FZD3: variants seen among roughly 807,000 people sequenced by gnomAD.
FZD3 encodes the protein frizzled class receptor 3.
FZD3 carries 30 observed loss-of-function variants against 60.7 expected under a neutral mutation model. The ratio of observed to expected loss-of-function variants is 0.49; its 90% confidence interval spans 0.37 to 0.67. The LOEUF (loss-of-function observed/expected upper bound fraction) is 0.67, where lower values mean the gene tolerates loss of function less well. Among genes scored for constraint, FZD3 ranks in the 30% least tolerant of loss-of-function variants. The pLI, the probability that FZD3 is intolerant of heterozygous loss-of-function variation, is 0.00. For synonymous variants in FZD3, 246 were observed against 275.2 expected, an observed-to-expected ratio of 0.89 and a Z score of 1.05; for missense variants, 605 against 838.7, an observed-to-expected ratio of 0.72 and a Z score of 3.44.
Position 28,498,617 on chromosome 8 carries a change from C to T in FZD3, c.-390-1316C>T, listed in dbSNP as rs188473641. ...TTTTTTTGAGACAGTCTCACTCTGT[C>T]ACCCAGGCTGGATGCAGTAGTACAG... On this transcript the variant is annotated intron_variant, in intron 1 of 7. Coordinates refer to ENST00000240093, the MANE Select transcript of FZD3 (RefSeq NM_017412.4). Among the ~76,000 whole-genome samples, 181 of 152,260 alleles carry T rather than the reference C, an allele frequency of 1.2e-3. 1 individual carries two copies. Among genetic ancestry groups the T allele is most frequent in the Admixed American group, 3.3e-3 (50 of 15,294 alleles).
chr8:28,527,053 A>G lies in FZD3; in HGVS notation c.387-94A>G. On this transcript the variant is annotated intron_variant, in intron 4 of 7. Transcript: ENST00000240093. This position sits in a 1 kb window ranked among gnomAD's most constrained non-coding sequence, Gnocchi z 5.0. ...TACATTTGCTCTCCAGGAATAAATA[A>G]GGTTGTGAGTGCCAGATTTGGAAAT... The G allele has an allele frequency of 1.0e-6, 1 of 977,836 alleles. No individual in the cohort carries two copies. Among genetic ancestry groups the G allele is most frequent in the Non-Finnish European group, 1.5e-6 (1 of 648,178 alleles). The allele number at this position is 977,836 out of a possible 1,614,324, so 60.6% of individuals were successfully genotyped here.
chr8:28,537,250 A>G (rs1198118888), intron 5 of FZD3, among the ~76,000 whole-genome samples: 1 of 152,234 alleles, frequency 6.6e-6, no homozygotes, highest in African/African-American at 2.4e-5. Context: ...CCTGGTTGTA[A>G]AATACTGTCA....
chr8:28,497,593 C>G (rs558101028), intron 1 of FZD3, among the ~76,000 whole-genome samples: 3 of 152,186 alleles, frequency 2.0e-5, no homozygotes, highest in Non-Finnish European at 4.4e-5. Context: ...TTTGAAACAA[C>G]CTTTAGATGA....
intron 5 of FZD3, among the ~76,000 whole-genome samples, chr8:28,548,277 T>C (rs1374785703): frequency 6.6e-6 from 1 of 152,120 alleles, no homozygotes; most frequent in Non-Finnish European, 1.5e-5. Context: ...TTAATTTTTT[T>C]CTTACATTTG....
intron 4 of FZD3, among the ~76,000 whole-genome samples, chr8:28,523,911 G>A (rs1804649929): frequency 6.6e-6 from 1 of 152,070 alleles, no homozygotes; most frequent in East Asian, 1.9e-4. Context: ...TAGTTATTGC[G>A]GGATTGGGTT....
intron 4 of FZD3, among the ~76,000 whole-genome samples, chr8:28,525,882 T>C (rs1804702322): frequency 7.1e-6 from 1 of 141,396 alleles, no homozygotes; most frequent in African/African-American, 2.7e-5. Context: ...TATTACAAAG[T>C]AGAATCACAG....
At chr8:28,557,228 A>T (rs1053935131) in intron 7 of FZD3, among the ~76,000 whole-genome samples, 33 of 150,598 alleles carry the variant, frequency 2.2e-4, no homozygotes, top group African/African-American at 7.3e-4. Context: ...AAAAAAAAAG[A>T]AGAAGAAATG....
intron 5 of FZD3, among the ~76,000 whole-genome samples, chr8:28,545,685 A>T (rs923456694): frequency 6.6e-6 from 1 of 152,230 alleles, no homozygotes; most frequent in Non-Finnish European, 1.5e-5. Context: ...AGCTGAGCCC[A>T]GTCAATTCAC....
intron 7 of FZD3, among the ~76,000 whole-genome samples, chr8:28,560,121 A>G (rs1391359256): frequency 6.6e-6 from 1 of 152,206 alleles, no homozygotes; most frequent in Non-Finnish European, 1.5e-5. Flanking sequence ...TAGTAAAACT[A>G]CAGTTAATTC....
In FZD3 at chr8:28,569,587, A is replaced by C. The variant is rs1805768241; in HGVS notation, c.*6576A>C. The C allele has an allele frequency of 6.6e-6, 1 of 152,110 alleles. No homozygotes were observed. The highest frequency in any genetic ancestry group is 2.4e-5 in the African/African-American group (1 of 41,414). 9.4% of individuals were successfully genotyped at this position (152,110 alleles called of 1,614,324 possible). A position where few individuals can be genotyped will look rare whatever the true frequency, so the allele number is the denominator to read the frequency against. On this transcript the variant is annotated 3_prime_UTR_variant, in exon 8 of 8. Transcript: ENST00000240093. ...AGATCAACTTGTATTATTTTACTAG[A>C]TCAACCTGTATTATTAACGTCATTT...
intron 3 of FZD3, among the ~76,000 whole-genome samples, chr8:28,510,701 T>A (rs1804262135): frequency 6.6e-6 from 1 of 152,132 alleles, no homozygotes; most frequent in Non-Finnish European, 1.5e-5. Context: ...TAGAATAGAA[T>A]TGGTTATAAG....
chr8:28,536,417 A>G (rs1182200383), intron 5 of FZD3, among the ~76,000 whole-genome samples: 1 of 152,214 alleles, frequency 6.6e-6, no homozygotes, highest in African/African-American at 2.4e-5. Flanking sequence ...TTTAAAAATT[A>G]TTTTTATAGT....
At chr8:28,550,964 A>G (rs1342560882) in intron 5 of FZD3, among the ~76,000 whole-genome samples, 2 of 152,036 alleles carry the variant, frequency 1.3e-5, no homozygotes, top group Non-Finnish European at 2.9e-5. Flanking sequence ...TTATTTTCAC[A>G]TTACTCTTTT....
Position 28,563,715 on chromosome 8 carries a change from T to C in FZD3, c.*704T>C, listed in dbSNP as rs749413767. 6.6e-6 allele frequency: 1 copy of C among 152,388 alleles called. No homozygotes were observed. Among genetic ancestry groups the C allele is most frequent in the Non-Finnish European group, 1.5e-5 (1 of 68,048 alleles). The allele number at this position is 152,388 out of a possible 1,614,324, so 9.4% of individuals were successfully genotyped here. On this transcript the variant is annotated 3_prime_UTR_variant, in exon 8 of 8. Coordinates refer to ENST00000240093, the MANE Select transcript of FZD3 (RefSeq NM_017412.4). ...GCTGTTTTTATAACTTTTGTAAATA[T>C]TACTTTTTCTGGCTGTGTTTTTATA...
At chr8:28,543,165 T>G (rs1028615456) in intron 5 of FZD3, among the ~76,000 whole-genome samples, 4 of 152,184 alleles carry the variant, frequency 2.6e-5, no homozygotes, top group African/African-American at 9.7e-5. Flanking sequence ...TCTGATTAGC[T>G]CTCTTTATCT....
intron 3 of FZD3, among the ~76,000 whole-genome samples, chr8:28,504,781 C>T (rs1190125001): frequency 2.0e-5 from 3 of 152,180 alleles, no homozygotes; most frequent in African/African-American, 7.2e-5. Context: ...GTACTAGAAA[C>T]ACCATGTATT....
At position 28,565,906 on chromosome 8, in the gene FZD3, AAAT is replaced by A. The variant is rs1805697291; in HGVS notation, c.*2900_*2902del. The A allele has an allele frequency of 6.6e-6, 1 of 152,146 alleles. No homozygotes were observed. The highest frequency in any genetic ancestry group is 6.5e-5 in the Admixed American group (1 of 15,280). The allele number at this position is 152,146 out of a possible 1,614,324, so 9.4% of individuals were successfully genotyped here. ...TTCTTTTTTCAGTTGACAACTGAGA[AAAT>A]AATAGTTCTCTCTAACATGTTAATA... On this transcript the variant is annotated 3_prime_UTR_variant, in exon 8 of 8. Transcript: ENST00000240093.
At chr8:28,500,052 G>A (rs756388023) in intron 2 of FZD3, 74 bp downstream of exon 2, 2 of 152,210 alleles carry the variant, frequency 1.3e-5, no homozygotes, top group Admixed American at 6.5e-5. Flanking sequence ...TACACTTTAC[G>A]ATTAGAGAAC....
In FZD3 at chr8:28,506,053, C is replaced by T. The variant is rs28375586; in HGVS notation, c.189+2851C>T. ...TAGGAAAAAAATGCTCACTTCTGAG[C>T]CTTCCAAACCATTTTGAGCTGTCCA... On this transcript the variant is annotated intron_variant, in intron 3 of 7. Transcript: ENST00000240093. 4.2e-3 allele frequency among the ~76,000 whole-genome samples: 645 copies of T among 152,282 alleles called. 4 individuals are homozygous for T. The highest frequency in any genetic ancestry group is 0.014 in the Middle Eastern group (4 of 294).
Sources: allele counts gnomAD v4.1 joint callset (sites outside exome capture counted in the v4.1 genomes callset), GRCh38; gene constraint gnomAD v4.1.1; non-coding constraint Gnocchi (gnomAD v3.1); transcripts MANE v1.5; gene names NCBI Gene and HGNC (gene_info 2026-07-23, HGNC 2026-07-21).